The following POLR3F variants were observed in gnomAD, a reference collection of about 807,000 sequenced individuals.
POLR3F encodes the protein DNA-directed RNA polymerase III subunit RPC6.
In POLR3F, 31 loss-of-function variants were observed where a neutral mutation model predicts 43.6. The ratio of observed to expected loss-of-function variants is 0.71; its 90% CI spans 0.53 to 0.96. The LOEUF (loss-of-function observed/expected upper bound fraction) is 0.96, where lower values mean the gene tolerates loss of function less well. POLR3F is among the 40% of genes least tolerant of loss of function. POLR3F has a pLI of 0.00. For synonymous variants in POLR3F, 114 were observed against 132.5 expected (o/e 0.86, Z 0.96); for missense variants, 316 against 391.7 (o/e 0.81, Z 1.63).
In POLR3F at chr20:18,467,472, C is replaced by T. The variant is rs1228926070; in HGVS notation, c.-35C>T. On this transcript the variant is annotated 5_prime_UTR_variant, in exon 1 of 9. Transcript: ENST00000377603. ...CGGCTTGCTACCGGGCTGCTCCGTG[C>T]ATCTTTCCCCCCAGGCGTCAGGAAC... The T allele has an allele frequency of 6.2e-7, 1 of 1,613,038 alleles. No individual in the cohort carries two copies. Among genetic ancestry groups the T allele is most frequent in the South Asian group, 1.1e-5 (1 of 91,060 alleles).
intron 5 of POLR3F, 138 bp from the exon 6 acceptor site, chr20:18,479,900 C>T: frequency 1.8e-6 from 1 of 540,696 alleles, no homozygotes; most frequent in Non-Finnish European, 3.2e-6. Flanking sequence ...ATAGGGGAAA[C>T]AGCATGATGT....
At chr20:18,477,914 G>C (rs2059789011) in intron 5 of POLR3F, among the ~76,000 whole-genome samples, 1 of 145,884 alleles carries the variant, frequency 6.9e-6, no homozygotes, top group Admixed American at 6.8e-5. Context: ...TCATTATACA[G>C]GCATGATTGA....
intron 5 of POLR3F, among the ~76,000 whole-genome samples, chr20:18,476,883 T>C (rs1393769116): frequency 6.6e-6 from 1 of 152,096 alleles, no homozygotes; most frequent in Non-Finnish European, 1.5e-5. Flanking sequence ...AAGTCTAGCC[T>C]CACCAACATG....
Position 18,481,802 on chromosome 20 carries a change from C to T in POLR3F, c.865C>T (p.Leu289Phe), listed in dbSNP as rs761609002. The change falls in exon 8 of 9, where the codon CTC becomes TTC. Residue 289 changes from leucine (L) to phenylalanine (F), a missense_variant. Leu to Phe is a conservative substitution (Grantham distance 22). Coordinates refer to ENST00000377603, the MANE Select transcript of POLR3F (RefSeq NM_006466.4). The stretch of plus-strand genomic sequence containing the variant: ...AGGTTTGGTCCGGGCACCCTGTGGA[C>T]TCTGCCCGGTGAGTTAAAGTGGCTT... ...PTGLVRAPCG[L>F]CPVFDDCHEG... The T allele has an allele frequency of 6.2e-7, 1 of 1,610,082 alleles. No homozygotes were observed. The highest frequency in any genetic ancestry group is 1.1e-5 in the South Asian group (1 of 90,884).
In POLR3F at chr20:18,483,460, ATT is replaced by A. The variant is rs760995338; in HGVS notation, c.874-13_874-12del. 6 of 1,174,572 alleles carry A rather than the reference ATT, an allele frequency of 5.1e-6. No individual in the cohort carries two copies. The highest frequency in any genetic ancestry group is 3.1e-5 in the African/African-American group (2 of 64,634). The allele number at this position is 1,174,572 out of a possible 1,614,324, so 72.8% of individuals were successfully genotyped here. A position where few individuals can be genotyped will look rare whatever the true frequency, so the allele number is the denominator to read the frequency against. On this transcript the variant is annotated intron_variant, in intron 8 of 8. Coordinates refer to ENST00000377603, the MANE Select transcript of POLR3F (RefSeq NM_006466.4). Reference sequence around the variant, plus strand: ...ATTTTAAAACTTTAATTTGAATATAATTTTTTTTTCTTTTTTAAAGGTTTTTG... The same window carrying A: ...ATTTTAAAACTTTAATTTGAATATAATTTTTTTCTTTTTTAAAGGTTTTTG...
In POLR3F at chr20:18,484,449, CTCATGAATGGGA is replaced by C. The variant is rs1192849607; in HGVS notation, c.*893_*904del. The C allele has an allele frequency of 7.7e-6, 2 of 260,160 alleles. No individual in the cohort carries two copies. The highest frequency in any genetic ancestry group is 4.4e-5 in the African/African-American group (2 of 45,412). 16.1% of individuals were successfully genotyped at this position (260,160 alleles called of 1,614,324 possible). ...GTGATAGGTCAGGAGAGTAACAGCG[CTCATGAATGGGA>C]TTAGTGCCCTTATATAAAGAGACCC... On this transcript the variant is annotated 3_prime_UTR_variant, in exon 9 of 9. Coordinates refer to ENST00000377603, the MANE Select transcript of POLR3F (RefSeq NM_006466.4).
Position 18,467,549 on chromosome 20 carries a change from C to G in POLR3F, c.43C>G (p.Pro15Ala). Residue 15 changes from proline to alanine, a missense_variant, in exon 1 of 9, where the codon CCG becomes GCG. Coordinates refer to ENST00000377603, the MANE Select transcript of POLR3F (RefSeq NM_006466.4). ...KVKVQPPDADPVEIENRIIEL... is the reference protein window; with the variant it reads ...KVKVQPPDADAVEIENRIIEL... ...GAAGGTGCAGCCGCCTGACGCGGAT[C>G]CGGTCGAAATAGAAAACAGGTAAAC... is the stretch of plus-strand genomic sequence containing the variant. 6.2e-7 allele frequency: 1 copy of G among 1,614,238 alleles called. No homozygotes were observed. Among genetic ancestry groups the G allele is most frequent in the Non-Finnish European group, 8.5e-7 (1 of 1,180,024 alleles).
intron 4 of POLR3F, 141 bp from the exon 5 acceptor site, chr20:18,474,934 A>G: frequency 4.0e-6 from 2 of 496,344 alleles, no homozygotes; most frequent in East Asian, 3.5e-5. Context: ...TTTATTGTTT[A>G]GCATACTTTT....
intron 1 of POLR3F, among the ~76,000 whole-genome samples, chr20:18,467,864 T>A (rs1446253287): frequency 1.3e-5 from 2 of 152,190 alleles, no homozygotes; most frequent in African/African-American, 4.8e-5. Flanking sequence ...ATCAGTGCTT[T>A]GAGAGGAGCC....
Position 18,473,329 on chromosome 20 carries a change from A to G in POLR3F, c.249-62A>G, listed in dbSNP as rs2059763386. Reference sequence around the variant, plus strand: ...GTCTGCTAATTTTGTTTAAGTAGTGATGTAGATTATTAGATTATCCTATAG... The same window carrying G: ...GTCTGCTAATTTTGTTTAAGTAGTGGTGTAGATTATTAGATTATCCTATAG... On this transcript the variant is annotated intron_variant, in intron 3 of 8. Transcript: ENST00000377603. 1.9e-5 allele frequency: 14 copies of G among 724,704 alleles called. No individual in the cohort carries two copies. The South Asian group carries it at 2.3e-4, about 12-fold the overall frequency. 44.9% of individuals were successfully genotyped at this position (724,704 alleles called of 1,614,324 possible). A position where few individuals can be genotyped will look rare whatever the true frequency, so the allele number is the denominator to read the frequency against.
In POLR3F at chr20:18,483,589, C is replaced by G. The variant is rs2059822428; in HGVS notation, c.*31C>G. On this transcript the variant is annotated 3_prime_UTR_variant, in exon 9 of 9. Coordinates refer to ENST00000377603, the MANE Select transcript of POLR3F (RefSeq NM_006466.4). ...AGCTATGAACTTTATTGACATTTTG[C>G]AAATGAAGTTACTTAGGGAGCAGAT... is the stretch of plus-strand genomic sequence containing the variant. 1 of 973,800 alleles carries G rather than the reference C, an allele frequency of 1.0e-6. No individual in the cohort carries two copies. Among genetic ancestry groups the G allele is most frequent in the African/African-American group, 1.7e-5 (1 of 60,244 alleles). 60.3% of individuals were successfully genotyped at this position (973,800 alleles called of 1,614,324 possible). A position where few individuals can be genotyped will look rare whatever the true frequency, so the allele number is the denominator to read the frequency against.
chr20:18,479,831 T>C (rs936461595), intron 5 of POLR3F, among the ~76,000 whole-genome samples: 1 of 152,176 alleles, frequency 6.6e-6, no homozygotes, highest in African/African-American at 2.4e-5. Flanking sequence ...TAGTAATGAT[T>C]TATCAATATT....
chr20:18,483,573 CT>C lies in POLR3F; in HGVS notation c.*18del. 1 of 1,186,482 alleles carries C rather than the reference CT, an allele frequency of 8.4e-7. No homozygotes were observed. The highest frequency in any genetic ancestry group is 1.2e-6 in the Non-Finnish European group (1 of 841,150). 73.5% of individuals were successfully genotyped at this position (1,186,482 alleles called of 1,614,324 possible). A position where few individuals can be genotyped will look rare whatever the true frequency, so the allele number is the denominator to read the frequency against. Reference sequence around the variant, plus strand: ...TCGAATTTTAATAGAGAGCTATGAACTTTATTGACATTTTGCAAATGAAGTT... The same window carrying C: ...TCGAATTTTAATAGAGAGCTATGAACTTATTGACATTTTGCAAATGAAGTT... On this transcript the variant is annotated 3_prime_UTR_variant, in exon 9 of 9. Coordinates refer to ENST00000377603, the MANE Select transcript of POLR3F (RefSeq NM_006466.4).
Position 18,483,707 on chromosome 20 carries a change from T to C in POLR3F, c.*149T>C. On this transcript the variant is annotated 3_prime_UTR_variant, in exon 9 of 9. Coordinates refer to ENST00000377603, the MANE Select transcript of POLR3F (RefSeq NM_006466.4). ...CTGCTATGAAAACATATTTTTTTTA[T>C]TTATGAAGACTAAATTTATATTGGT... is the stretch of plus-strand genomic sequence containing the variant. The C allele has an allele frequency of 2.3e-6, 1 of 431,928 alleles. No homozygotes were observed. Among genetic ancestry groups the C allele is most frequent in the South Asian group, 6.6e-5 (1 of 15,070 alleles). 26.8% of individuals were successfully genotyped at this position (431,928 alleles called of 1,614,324 possible). A position where few individuals can be genotyped will look rare whatever the true frequency, so the allele number is the denominator to read the frequency against.
At chr20:18,474,451 G>A (rs964054418) in intron 4 of POLR3F, among the ~76,000 whole-genome samples, 2 of 151,948 alleles carry the variant, frequency 1.3e-5, no homozygotes, top group African/African-American at 2.4e-5. Flanking sequence ...AGAGATAAGG[G>A]TACAGATGAT....
intron 2 of POLR3F, among the ~76,000 whole-genome samples, chr20:18,472,210 T>G (rs1044523937): frequency 3.4e-5 from 5 of 148,886 alleles, no homozygotes; most frequent in South Asian, 4.1e-4. Flanking sequence ...CTGTTAACTT[T>G]TTTTGTTTTT....
intron 2 of POLR3F, among the ~76,000 whole-genome samples, chr20:18,471,424 A>G (rs1033532185): frequency 1.8e-4 from 28 of 152,104 alleles, no homozygotes; most frequent in African/African-American, 6.3e-4. Flanking sequence ...GGCTTTACTT[A>G]CCTCTATCTT....
rs892700235 is a variant in POLR3F, at chr20:18,467,504, C to T, written c.-3C>T. The T allele has an allele frequency of 6.2e-7, 1 of 1,614,256 alleles. No individual in the cohort carries two copies. The highest frequency in any genetic ancestry group is 8.5e-7 in the Non-Finnish European group (1 of 1,180,040). On this transcript the variant is annotated 5_prime_UTR_variant, in exon 1 of 9. Coordinates refer to ENST00000377603, the MANE Select transcript of POLR3F (RefSeq NM_006466.4). The stretch of plus-strand genomic sequence containing the variant: ...CCCCCCAGGCGTCAGGAACTGCGCC[C>T]TCATGGCGGAGGTGAAGGTGAAGGT...
chr20:18,479,359 G>A (rs2059797378), intron 5 of POLR3F, among the ~76,000 whole-genome samples: 1 of 152,054 alleles, frequency 6.6e-6, no homozygotes, highest in African/African-American at 2.4e-5. Flanking sequence ...GCTGGGCATG[G>A]TGGCACATGC....
Sources: gnomAD v4.1 joint callset for allele counts (sites outside exome capture counted in the v4.1 genomes callset) on GRCh38, gnomAD v4.1.1 for gene constraint, MANE v1.5 for transcripts, NCBI Gene and HGNC (gene_info 2026-07-23, HGNC 2026-07-21) for gene names.